The following ATRNL1 variants were observed in gnomAD, a reference collection of about 807,000 sequenced individuals.
The protein encoded by ATRNL1 is attractin like 1.
A neutral mutation model predicts 182.7 loss-of-function variants in ATRNL1; 95 were observed. The observed-to-expected ratio is 0.52, with a 90% CI of 0.44 to 0.62. The LOEUF is 0.62. ATRNL1 is among the 20% of genes least tolerant of loss of function. ATRNL1 has a pLI of 0.00. For missense variants in ATRNL1, 1,471 were observed against 1,679.5 expected (o/e 0.88, Z 2.17); for synonymous variants, 576 against 568.3 (o/e 1.01, Z -0.19).
At chr10:115,597,379 T>C (rs1170988443) in intron 26 of ATRNL1, among the ~76,000 whole-genome samples, 1 of 152,128 alleles carries the variant, frequency 6.6e-6, no homozygotes, top group Non-Finnish European at 1.5e-5. Flanking sequence ...TGTCTATCTA[T>C]GTACCTGCTT....
chr10:115,847,872 T>C lies in ATRNL1; in HGVS notation c.3904-5T>C, dbSNP rs782024308. 6.3e-7 allele frequency: 1 copy of C among 1,581,982 alleles called. No individual in the cohort carries two copies. The highest frequency in any genetic ancestry group is 1.1e-5 in the South Asian group (1 of 90,254). ...TGCAAACTTAAAGTGGGTTTTCTTTTTCAGGGGGCACCCAAGCCAATTGCC... is the reference window on the plus strand; with the variant it reads ...TGCAAACTTAAAGTGGGTTTTCTTTCTCAGGGGGCACCCAAGCCAATTGCC... On this transcript the variant is annotated splice_polypyrimidine_tract_variant and splice_region_variant and intron_variant, in intron 27 of 28. Transcript: ENST00000355044.
At chr10:115,787,790 G>A (rs1949431810) in intron 27 of ATRNL1, among the ~76,000 whole-genome samples, 1 of 152,124 alleles carries the variant, frequency 6.6e-6, no homozygotes, top group African/African-American at 2.4e-5. Flanking sequence ...CATGTGATTA[G>A]GTTAAAGACC....
At chr10:115,626,575 C>G (rs1858115072) in intron 26 of ATRNL1, among the ~76,000 whole-genome samples, 1 of 152,042 alleles carries the variant, frequency 6.6e-6, no homozygotes, top group South Asian at 2.1e-4. Context: ...TTTCCTTAGA[C>G]AGGCAGCAAT....
chr10:115,929,039 G>T (rs1953319189), intron 28 of ATRNL1, among the ~76,000 whole-genome samples: 1 of 151,890 alleles, frequency 6.6e-6, no homozygotes, highest in South Asian at 2.1e-4. Context: ...TTTGAATACT[G>T]ATCCTGAAAA....
intron 10 of ATRNL1, among the ~76,000 whole-genome samples, chr10:115,261,915 C>T (rs1376711044): frequency 6.6e-6 from 1 of 151,762 alleles, no homozygotes; most frequent in East Asian, 1.9e-4. Context: ...TTGCTCTAAA[C>T]AAAATTATAA....
intron 8 of ATRNL1, among the ~76,000 whole-genome samples, chr10:115,200,592 G>A (rs1554892112): frequency 7.0e-6 from 1 of 142,590 alleles, no homozygotes; most frequent in African/African-American, 2.6e-5. Flanking sequence ...ATTCCATGGT[G>A]TATATGTGCC....
chr10:115,514,134 T>A (rs111423232), intron 24 of ATRNL1, among the ~76,000 whole-genome samples: 2 of 151,996 alleles, frequency 1.3e-5, no homozygotes, highest in African/African-American at 4.8e-5. Context: ...ATCAGTACTT[T>A]ACTTAATGTT....
At position 115,129,531 on chromosome 10, in the gene ATRNL1, G is replaced by C; in HGVS notation, c.825G>C (p.Trp275Cys). ...AATTATGTGTCTGCAATGATAGTTG[G>C]CAAGGTAAGCATGTGTGGTGTGATG... ...GEKLCVCNDS[W>C]QGPDCSLNVP... Residue 275 changes from tryptophan to cysteine, a missense_variant, in exon 5 of 29, where the codon TGG (tryptophan) becomes TGC (cysteine). Trp to Cys is a radical substitution (Grantham distance 215). Coordinates refer to ENST00000355044, the MANE Select transcript of ATRNL1 (RefSeq NM_207303.4). The C allele has an allele frequency of 6.2e-7, 1 of 1,613,648 alleles. No individual in the cohort carries two copies. Among genetic ancestry groups the C allele is most frequent in the South Asian group, 1.1e-5 (1 of 91,050 alleles).
At chr10:115,119,538 A>G (rs2143613246) in intron 1 of ATRNL1, among the ~76,000 whole-genome samples, 1 of 152,218 alleles carries the variant, frequency 6.6e-6, no homozygotes, top group Non-Finnish European at 1.5e-5. Flanking sequence ...TTTGTTTTAA[A>G]GATTTTTAAT....
At position 115,127,735 on chromosome 10, in the gene ATRNL1, A is replaced by T. The variant is rs543682519; in HGVS notation, c.620+14A>T. ...CATTTTCTATTCGTAAGTATTTTTTAAAAATTCCTTCTTTTAATGATTCTT... is the reference window on the plus strand; with the variant it reads ...CATTTTCTATTCGTAAGTATTTTTTTAAAATTCCTTCTTTTAATGATTCTT... On this transcript the variant is annotated intron_variant, in intron 4 of 28. Transcript: ENST00000355044. 7 of 1,383,828 alleles carry T rather than the reference A, an allele frequency of 5.1e-6. No homozygotes were observed. The highest frequency in any genetic ancestry group is 5.8e-5 in the Admixed American group (2 of 34,196). 85.7% of individuals were successfully genotyped at this position (1,383,828 alleles called of 1,614,324 possible).
intron 8 of ATRNL1, among the ~76,000 whole-genome samples, chr10:115,184,831 G>A (rs1305323119): frequency 6.6e-6 from 1 of 151,828 alleles, no homozygotes; most frequent in South Asian, 2.1e-4. Flanking sequence ...GGGATGAAAA[G>A]AACTAATGCA....
intron 8 of ATRNL1, among the ~76,000 whole-genome samples, chr10:115,190,630 A>G (rs1463948508): frequency 6.6e-6 from 1 of 152,088 alleles, no homozygotes; most frequent in Non-Finnish European, 1.5e-5. Flanking sequence ...TGATGTTTTG[A>G]TACAGTCATA....
At chr10:115,425,991 ATT>A (rs1390155919) in intron 20 of ATRNL1, among the ~76,000 whole-genome samples, 1 of 152,076 alleles carries the variant, frequency 6.6e-6, no homozygotes, top group African/African-American at 2.4e-5. Context: ...GCCTTTTAAC[ATT>A]CCTTATATGC....
At chr10:115,190,081 A>G (rs1275647222) in intron 8 of ATRNL1, among the ~76,000 whole-genome samples, 1 of 152,132 alleles carries the variant, frequency 6.6e-6, no homozygotes, top group African/African-American at 2.4e-5. Flanking sequence ...CTAGGTATGT[A>G]GTAGGCTATA....
intron 20 of ATRNL1, among the ~76,000 whole-genome samples, chr10:115,406,322 CT>C (rs1206421727): frequency 1.1e-4 from 16 of 152,096 alleles, no homozygotes; most frequent in African/African-American, 3.6e-4. Flanking sequence ...TTTGTTTTTC[CT>C]TTTTCACCAT....
intron 27 of ATRNL1, among the ~76,000 whole-genome samples, chr10:115,816,368 G>A (rs1467917101): frequency 1.3e-5 from 2 of 152,126 alleles, no homozygotes; most frequent in Non-Finnish European, 2.9e-5. Context: ...ATCAGATATT[G>A]TATAAGTCGT....
intron 24 of ATRNL1, among the ~76,000 whole-genome samples, chr10:115,480,843 CT>C (rs1565088083): frequency 6.6e-6 from 1 of 151,002 alleles, no homozygotes; most frequent in Non-Finnish European, 1.5e-5. Flanking sequence ...ATGCTCTTAT[CT>C]AATCCCTTAT....
At position 115,847,992 on chromosome 10, in the gene ATRNL1, G is replaced by T. The variant is rs1950968789; in HGVS notation, c.4018+1G>T. The stretch of plus-strand genomic sequence containing the variant: ...GGTGCCCCTCCCCCTGGGCAGTCAG[G>T]TATGATAAATGAGGAGCCTTCAGCA... On this transcript the variant is annotated splice_donor_variant, in intron 28 of 28. Transcript: ENST00000355044. LOFTEE classifies it high-confidence loss of function. 1 of 1,572,316 alleles carries T rather than the reference G, an allele frequency of 6.4e-7. No homozygotes were observed. The highest frequency in any genetic ancestry group is 8.8e-7 in the Non-Finnish European group (1 of 1,142,674).
intron 9 of ATRNL1, among the ~76,000 whole-genome samples, chr10:115,217,294 G>A (rs1309114720): frequency 1.3e-5 from 2 of 152,044 alleles, no homozygotes; most frequent in Non-Finnish European, 2.9e-5. Context: ...CACTATGTTG[G>A]TAAGCCTGGT....
Sources: gnomAD v4.1 joint callset for allele counts (sites outside exome capture counted in the v4.1 genomes callset) on GRCh38, gnomAD v4.1.1 for gene constraint, MANE v1.5 for transcripts, NCBI Gene and HGNC (gene_info 2026-07-23, HGNC 2026-07-21) for gene names.